The following SLC24A1 variants were observed in gnomAD, a reference collection of about 807,000 sequenced individuals.
SLC24A1 encodes the protein sodium/potassium/calcium exchanger 1.
A neutral mutation model predicts 88.1 loss-of-function variants in SLC24A1; 52 were observed. The ratio of observed to expected loss-of-function variants is 0.59; its 90% CI spans 0.47 to 0.74. SLC24A1 has a LOEUF of 0.74. SLC24A1 is among the 30% of genes least tolerant of loss of function. SLC24A1 has a pLI of 0.00. For synonymous variants in SLC24A1, 455 were observed against 498.0 expected (o/e 0.91, Z 1.15); for missense variants, 1,173 against 1,363.3 (o/e 0.86, Z 2.20).
chr15:65,633,253 T>G (rs1041883354), intron 2 of SLC24A1, among the ~76,000 whole-genome samples: 6 of 152,230 alleles, frequency 3.9e-5, no homozygotes, highest in African/African-American at 1.4e-4. Context: ...ATATATACAC[T>G]GGGTTTCAAA....
rs770898134 is a variant in SLC24A1, at chr15:65,645,633, C to T, written c.2162C>T (p.Pro721Leu). 6 of 1,574,294 alleles carry T rather than the reference C, an allele frequency of 3.8e-6. No homozygotes were observed. The African/African-American group carries it at 5.4e-5, about 14-fold the overall frequency. ...AAAGAGGAGGAGCCAGCCAAGCTCCCTGCGGTCACGGTCACACCAGCCCCT... is the reference window on the plus strand; with the variant it reads ...AAAGAGGAGGAGCCAGCCAAGCTCCTTGCGGTCACGGTCACACCAGCCCCT... The part of the protein sequence containing the change: ...KPEEEEPAKL[P>L]AVTVTPAPVP... Residue 721 changes from proline (P) to leucine (L), a missense_variant, in exon 6 of 10, where the codon CCT (proline) becomes CTT (leucine). Pro to Leu is a moderately conservative substitution (Grantham distance 98). Coordinates refer to ENST00000261892, the MANE Select transcript of SLC24A1 (RefSeq NM_004727.3).
intron 4 of SLC24A1, chr15:65,644,043 A>G (rs1596336194): frequency 4.7e-6 from 1 of 213,946 alleles, no homozygotes; most frequent in East Asian, 1.1e-4. Flanking sequence ...ACTTTTCTAC[A>G]AAGTTTGGGT....
chr15:65,643,006 G>A (rs1370515302), intron 4 of SLC24A1: 1 of 1,289,326 alleles, frequency 7.8e-7, no homozygotes, highest in South Asian at 1.2e-5. Flanking sequence ...GTGCTTCCCA[G>A]GTAGGACAGC....
rs1287464283 is a variant in SLC24A1 at position 65,624,423 on chromosome 15, C to T, written c.343C>T (p.Pro115Ser). Residue 115 changes from proline to serine, a missense_variant, in exon 2 of 10, where the codon CCT (proline) becomes TCT (serine). Physicochemically the swap from Pro to Ser is moderately conservative, Grantham distance 74. Coordinates refer to ENST00000261892, the MANE Select transcript of SLC24A1 (RefSeq NM_004727.3). Reference sequence around the variant, plus strand: ...GACAGTGGAGAATATCCCCAGTATGCCTAAAAGAACAGCCAAGATGATCCC... The same window carrying T: ...GACAGTGGAGAATATCCCCAGTATGTCTAAAAGAACAGCCAAGATGATCCC... ...SMTVENIPSM[P>S]KRTAKMIPTT... The T allele has an allele frequency of 1.2e-6, 2 of 1,612,842 alleles. No homozygotes were observed.
chr15:65,651,477 AC>A (rs1331494736), intron 7 of SLC24A1, among the ~76,000 whole-genome samples, 192 bp from the exon 8 acceptor site: 2 of 152,014 alleles, frequency 1.3e-5, no homozygotes, highest in African/African-American at 2.4e-5. Flanking sequence ...CTACAGGTGT[AC>A]CCCCAACCTC....
rs778645036 is a variant in SLC24A1, at chr15:65,651,694, AC to A, written c.2820del (p.Phe941SerfsTer8). ...GGAGTCTAGGAAGTTTTTTGTTTTC[AC>A]CTTCCTGGGATCTATCATGTGGATA... ...RQESRKFFVF[T>X]FLGSIMWIAM... On this transcript the variant is annotated frameshift_variant, in exon 8 of 10. Coordinates refer to ENST00000261892, the MANE Select transcript of SLC24A1 (RefSeq NM_004727.3). LOFTEE classifies it high-confidence loss of function. 4 of 1,608,380 alleles carry A rather than the reference AC, an allele frequency of 2.5e-6. No homozygotes were observed. The highest frequency in any genetic ancestry group is 3.3e-5 in the Admixed American group (2 of 59,922).
At chr15:65,638,528 T>C (rs1422480270) in intron 3 of SLC24A1, among the ~76,000 whole-genome samples, 1 of 152,172 alleles carries the variant, frequency 6.6e-6, no homozygotes, top group African/African-American at 2.4e-5. Context: ...CAACATTGTA[T>C]GATTGATATA....
downstream of SLC24A1, chr15:65,660,059 T>C: frequency 2.2e-6 from 1 of 464,300 alleles, no homozygotes; most frequent in Non-Finnish European, 3.8e-6. Flanking sequence ...CTCCCCCCTC[T>C]GAAATGTTTC....
rs773602954 is a variant in SLC24A1 at position 65,624,776 on chromosome 15, C to G, written c.696C>G (p.Leu232=). The G allele has an allele frequency of 3.1e-5, 50 of 1,613,906 alleles. No individual in the cohort carries two copies. Among genetic ancestry groups the G allele is most frequent in the Non-Finnish European group, 4.2e-5 (50 of 1,179,842 alleles). Residue 232 remains leucine (L), a synonymous_variant, in exon 2 of 10, where the codon CTC becomes CTG. Transcript: ENST00000261892. Reference sequence around the variant, plus strand: ...ACATTACAGCAACCTATAAAATACTCGAAACCAACTCTCTTAAGAGAATAA... The same window carrying G: ...ACATTACAGCAACCTATAAAATACTGGAAACCAACTCTCTTAAGAGAATAA... ...DSDITATYKI[L]ETNSLKRIME...
At position 65,624,702 on chromosome 15, in the gene SLC24A1, A is replaced by G. The variant is rs1354552928; in HGVS notation, c.622A>G (p.Met208Val). The stretch of plus-strand genomic sequence containing the variant: ...TTACGTGCCGTCCACATTCATGACA[A>G]TGGAAACAAGCCATGCGATCACCCC... The part of the protein sequence containing the change: ...GTYVPSTFMT[M>V]ETSHAITPRT... The change falls in exon 2 of 10, where the codon ATG becomes GTG. Residue 208 changes from methionine (M) to valine (V), a missense_variant. Transcript: ENST00000261892. The G allele has an allele frequency of 1.2e-6, 2 of 1,609,210 alleles. No homozygotes were observed. Among genetic ancestry groups the G allele is most frequent in the Admixed American group, 1.7e-5 (1 of 58,968 alleles).
chr15:65,654,833 C>A lies in SLC24A1; in HGVS notation c.*754C>A. 1.9e-6 allele frequency: 2 copies of A among 1,049,780 alleles called. No individual in the cohort carries two copies. The highest frequency in any genetic ancestry group is 1.5e-5 in the South Asian group (1 of 65,470). The allele number at this position is 1,049,780 out of a possible 1,614,324, so 65.0% of individuals were successfully genotyped here. ...CAATTCTCCTGCCTCAGCCTGAAGT[C>A]GTGATCTGCCCGCCTCGGCCTCCCA... is the stretch of plus-strand genomic sequence containing the variant. On this transcript the variant is annotated 3_prime_UTR_variant, in exon 10 of 10. Coordinates refer to ENST00000261892, the MANE Select transcript of SLC24A1 (RefSeq NM_004727.3).
rs1391750342 is a variant in SLC24A1, at chr15:65,625,196, C to T, written c.1116C>T (p.Ser372=). ...TCTGGAGGCTGGCAAAGAAACCTTC[C>T]ACAGCACCCAGCACCTCAACAACCC... ...AIVWRLAKKP[S]TAPSTSTTPT... Residue 372 remains serine, a synonymous_variant, in exon 2 of 10, where the codon TCC becomes TCT. Transcript: ENST00000261892. 1 of 1,613,912 alleles carries T rather than the reference C, an allele frequency of 6.2e-7. No individual in the cohort carries two copies.
chr15:65,654,667 G>A lies in SLC24A1; in HGVS notation c.*588G>A, dbSNP rs577126866. On this transcript the variant is annotated 3_prime_UTR_variant, in exon 10 of 10. Coordinates refer to ENST00000261892, the MANE Select transcript of SLC24A1 (RefSeq NM_004727.3). ...TAACAGGAATTAATGATCATTCCAC[G>A]TTTTGTAGCCCACTGCATCTGGATA... 1.4e-5 allele frequency: 18 copies of A among 1,271,606 alleles called. No homozygotes were observed. Among genetic ancestry groups the A allele is most frequent in the African/African-American group, 3.1e-5 (2 of 63,848 alleles). 78.8% of individuals were successfully genotyped at this position (1,271,606 alleles called of 1,614,324 possible).
upstream of SLC24A1, among the ~76,000 whole-genome samples, chr15:65,621,338 C>G (rs1596301669): frequency 6.6e-6 from 1 of 152,306 alleles, no homozygotes; most frequent in East Asian, 1.9e-4. Flanking sequence ...GCTCAGGGCA[C>G]CAACTCCTCA....
At chr15:65,660,415 C>T (rs991237874), downstream of SLC24A1, 1 of 935,368 alleles carries the variant, frequency 1.1e-6, no homozygotes, top group South Asian at 1.5e-5. Flanking sequence ...GTGGACTCTA[C>T]TGGCTTTATA....
At chr15:65,648,970 T>C (rs1156630097) in intron 6 of SLC24A1, among the ~76,000 whole-genome samples, 3 of 152,142 alleles carry the variant, frequency 2.0e-5, no homozygotes, top group Non-Finnish European at 2.9e-5. Context: ...TGTGTGGAGA[T>C]AGTCAGTGGT....
intron 5 of SLC24A1, 112 bp from the exon 6 acceptor site, chr15:65,645,500 T>C (rs1192383571): frequency 1.3e-6 from 1 of 799,884 alleles, no homozygotes; most frequent in Non-Finnish European, 2.1e-6. Flanking sequence ...CAAATAAACC[T>C]TCAGAAACCC....
At position 65,650,713 on chromosome 15, in the gene SLC24A1, A is replaced by G; in HGVS notation, c.2564A>G (p.Asp855Gly). ...GGTGTAGAAGATGGAGGGGGAAGTG[A>G]TGGAGGGGATAGCGAAGAGGAGGAA... is the stretch of plus-strand genomic sequence containing the variant. ...EKGVEDGGGS[D>G]GGDSEEEEEE... is the part of the protein sequence containing the mutation. Residue 855 changes from aspartate (D) to glycine (G), a missense_variant, in exon 7 of 10, where the codon GAT becomes GGT. Asp to Gly is a moderately conservative substitution (Grantham distance 94, BLOSUM62 -1). Transcript: ENST00000261892. The surrounding 1 kb of genome is among the most constrained non-coding windows in gnomAD (Gnocchi z 4.1). 1 of 1,561,628 alleles carries G rather than the reference A, an allele frequency of 6.4e-7. No homozygotes were observed. The highest frequency in any genetic ancestry group is 8.7e-7 in the Non-Finnish European group (1 of 1,152,542).
Position 65,625,782 on chromosome 15 carries a change from G to A in SLC24A1, c.1702G>A (p.Asp568Asn), listed in dbSNP as rs1286542943. ...CCGTGATGTCTCCTTCTACATCCTTGACCTGATAATGCTCATCCTCTTCTT... is the reference window on the plus strand; with the variant it reads ...CCGTGATGTCTCCTTCTACATCCTTAACCTGATAATGCTCATCCTCTTCTT... The part of the protein sequence containing the change: ...LFRDVSFYIL[D>N]LIMLILFFLD... Residue 568 changes from aspartate to asparagine, a missense_variant, in exon 2 of 10, where the codon GAC (aspartate) becomes AAC (asparagine). By Grantham distance (23) the Asp-to-Asn change is conservative (BLOSUM62 1). Transcript: ENST00000261892. The A allele has an allele frequency of 1.9e-6, 3 of 1,613,984 alleles. No homozygotes were observed. The highest frequency in any genetic ancestry group is 1.6e-4 in the Middle Eastern group (1 of 6,062).
Sources: allele counts gnomAD v4.1 joint callset (sites outside exome capture counted in the v4.1 genomes callset), GRCh38; gene constraint gnomAD v4.1.1; non-coding constraint Gnocchi (gnomAD v3.1); transcripts MANE v1.5; gene names NCBI Gene and HGNC (gene_info 2026-07-23, HGNC 2026-07-21).